Variants in TMEM248 observed in about 807,000 individuals in gnomAD.
TMEM248 encodes transmembrane protein 248.
TMEM248 carries 9 observed loss-of-function variants against 30.3 expected under a neutral mutation model. The observed-to-expected ratio is 0.30, with a 90% CI of 0.18 to 0.52. TMEM248 has a LOEUF of 0.52. TMEM248 is among the 20% of genes least tolerant of loss of function. The pLI, the probability that TMEM248 is intolerant of heterozygous loss-of-function variation, is 0.97. For synonymous variants in TMEM248, 184 were observed against 154.4 expected (o/e 1.19, Z -1.42); for missense variants, 338 against 403.3 (o/e 0.84, Z 1.39).
At position 66,955,710 on chromosome 7, in the gene TMEM248, A is replaced by G. The variant is rs998559585; in HGVS notation, c.*188A>G. 3.9e-5 allele frequency: 28 copies of G among 725,958 alleles called. No homozygotes were observed. Among genetic ancestry groups the G allele is most frequent in the South Asian group, 1.8e-4 (9 of 49,036 alleles). The allele number at this position is 725,958 out of a possible 1,614,324, so 45.0% of individuals were successfully genotyped here. ...AAAAATCTATTCAGAAATTGGTCCA[A>G]TAATGCACGTGCTTTGCCCTGGGTA... On this transcript the variant is annotated 3_prime_UTR_variant, in exon 7 of 7. Coordinates refer to ENST00000341567, the MANE Select transcript of TMEM248 (RefSeq NM_017994.5).
Position 66,953,216 on chromosome 7 carries a change from CTTTA to C in TMEM248, c.781-5_781-2del, listed in dbSNP as rs1562945850. On this transcript the variant is annotated splice_region_variant and splice_polypyrimidine_tract_variant and intron_variant, in intron 5 of 6. Coordinates refer to ENST00000341567, the MANE Select transcript of TMEM248 (RefSeq NM_017994.5). Reference sequence around the variant, plus strand: ...AGATGTTTCTGATTTTTTTTCTCTTCTTTATTTAGGATGACCGTTCATTAATAAA... The same window carrying C: ...AGATGTTTCTGATTTTTTTTCTCTTCTTTAGGATGACCGTTCATTAATAAA... 3 of 1,611,360 alleles carry C rather than the reference CTTTA, an allele frequency of 1.9e-6. No homozygotes were observed. Among genetic ancestry groups the C allele is most frequent in the Non-Finnish European group, 8.5e-7 (1 of 1,179,166 alleles).
intron 1 of TMEM248, among the ~76,000 whole-genome samples, chr7:66,936,751 C>T (rs184007689): frequency 2.6e-5 from 4 of 152,210 alleles, no homozygotes; most frequent in Non-Finnish European, 4.4e-5. Context: ...TGCAGTTGCT[C>T]GTGGTAGCCT....
At position 66,945,078 on chromosome 7, in the gene TMEM248, A is replaced by T; in HGVS notation, c.262A>T (p.Thr88Ser). The change falls in exon 3 of 7, where the codon ACA (threonine) becomes TCA (serine). Residue 88 changes from threonine (T) to serine (S), a missense_variant. Coordinates refer to ENST00000341567, the MANE Select transcript of TMEM248 (RefSeq NM_017994.5). The stretch of plus-strand genomic sequence containing the variant: ...AAACGACACCACAACTCCGGAAAGT[A>T]CAATGACCAGCGGGCAGGCCCGAGC... The part of the protein sequence containing the change: ...LTNDTTTPES[T>S]MTSGQARAST... 1 of 1,614,268 alleles carries T rather than the reference A, an allele frequency of 6.2e-7. No individual in the cohort carries two copies. The highest frequency in any genetic ancestry group is 8.5e-7 in the Non-Finnish European group (1 of 1,180,048).
intron 2 of TMEM248, among the ~76,000 whole-genome samples, chr7:66,942,598 C>T (rs978228678): frequency 1.2e-4 from 19 of 152,162 alleles, no homozygotes; most frequent in African/African-American, 3.1e-4. Flanking sequence ...CGGGCTCAAG[C>T]GATTCTCCTG....
At chr7:66,940,137 A>G (rs1791910337) in intron 1 of TMEM248, among the ~76,000 whole-genome samples, 1 of 152,144 alleles carries the variant, frequency 6.6e-6, no homozygotes, top group South Asian at 2.1e-4. Flanking sequence ...TATTTGTAGT[A>G]GAGGCGGGGT....
At position 66,945,292 on chromosome 7, in the gene TMEM248, C is replaced by CT. The variant is rs1792068577; in HGVS notation, c.445+33dup. 3.7e-6 allele frequency: 6 copies of CT among 1,601,206 alleles called. No homozygotes were observed. In the South Asian group the frequency reaches 5.5e-5, roughly 15 times the overall value. ...CAGTAGCCACTCTCCACTCAGGCTC[C>CT]TTAGGCAACCACTGTTACAAAAAGA... On this transcript the variant is annotated intron_variant, in intron 3 of 6. Transcript: ENST00000341567.
chr7:66,957,668 A>G lies in TMEM248; in HGVS notation c.*2146A>G, dbSNP rs1237432705. The G allele has an allele frequency of 1.3e-5, 2 of 152,230 alleles. No individual in the cohort carries two copies. The highest frequency in any genetic ancestry group is 2.9e-5 in the Non-Finnish European group (2 of 68,032). 9.4% of individuals were successfully genotyped at this position (152,230 alleles called of 1,614,324 possible). A position where few individuals can be genotyped will look rare whatever the true frequency, so the allele number is the denominator to read the frequency against. ...GATTTATAGCTGGCAGAGTGGTATC[A>G]AAGGAGAAAAACAGTGAAAAAGCCA... On this transcript the variant is annotated 3_prime_UTR_variant, in exon 7 of 7. Coordinates refer to ENST00000341567, the MANE Select transcript of TMEM248 (RefSeq NM_017994.5).
intron 3 of TMEM248, among the ~76,000 whole-genome samples, chr7:66,947,019 G>A (rs747287522): frequency 2.6e-5 from 4 of 152,104 alleles, no homozygotes; most frequent in Non-Finnish European, 5.9e-5. Context: ...TTGAAGCCCA[G>A]CCTGGGCACA....
At chr7:66,933,718 T>TAG in intron 1 of TMEM248, among the ~76,000 whole-genome samples, 1 of 152,358 alleles carries the variant, frequency 6.6e-6, no homozygotes, top group East Asian at 1.9e-4. Context: ...TTTAGCGTCT[T>TAG]CACTGAGTTA....
intron 1 of TMEM248, among the ~76,000 whole-genome samples, chr7:66,937,233 C>T (rs183093196): frequency 2.5e-3 from 383 of 152,190 alleles, no homozygotes; most frequent in Non-Finnish European, 3.5e-3. Flanking sequence ...TCCAGAATTC[C>T]TCTTGTAACT....
chr7:66,945,941 G>A (rs1365743241), intron 3 of TMEM248, among the ~76,000 whole-genome samples: 6 of 152,090 alleles, frequency 3.9e-5, no homozygotes, highest in African/African-American at 9.7e-5. Context: ...AAAATTAGCC[G>A]GGCGTGGTGG....
At chr7:66,947,231 A>C (rs1219986178) in intron 3 of TMEM248, among the ~76,000 whole-genome samples, 1 of 151,552 alleles carries the variant, frequency 6.6e-6, no homozygotes, top group Non-Finnish European at 1.5e-5. Context: ...AAAAAAAAAA[A>C]AAAACAAGAA....
In TMEM248 at chr7:66,957,089, T is replaced by C. The variant is rs566798388; in HGVS notation, c.*1567T>C. 1 of 152,758 alleles carries C rather than the reference T, an allele frequency of 6.5e-6. No homozygotes were observed. Among genetic ancestry groups the C allele is most frequent in the Non-Finnish European group, 1.5e-5 (1 of 68,028 alleles). 9.5% of individuals were successfully genotyped at this position (152,758 alleles called of 1,614,324 possible). A position where few individuals can be genotyped will look rare whatever the true frequency, so the allele number is the denominator to read the frequency against. Reference sequence around the variant, plus strand: ...CCAGTCCTTTCTTGTATTCTTACTGTTTTTTTAAAATAACTTTTTGCCTTA... The same window carrying C: ...CCAGTCCTTTCTTGTATTCTTACTGCTTTTTTAAAATAACTTTTTGCCTTA... On this transcript the variant is annotated 3_prime_UTR_variant, in exon 7 of 7. Coordinates refer to ENST00000341567, the MANE Select transcript of TMEM248 (RefSeq NM_017994.5).
At chr7:66,922,835 A>G (rs773181125) in intron 1 of TMEM248, among the ~76,000 whole-genome samples, 2 of 151,858 alleles carry the variant, frequency 1.3e-5, no homozygotes, top group Non-Finnish European at 2.9e-5. Flanking sequence ...CCTCCCTAGT[A>G]GCTGGGATTA....
intron 3 of TMEM248, among the ~76,000 whole-genome samples, chr7:66,947,214 C>CA (rs565294304): frequency 0.24 from 13,706 of 58,146 alleles, 1,353 homozygotes; most frequent in Non-Finnish European, 0.29. Flanking sequence ...GACCCTGTCT[C>CA]AAAAAAAAAA....
Position 66,929,575 on chromosome 7 carries a change from T to C in TMEM248, c.-19+8114T>C, listed in dbSNP as rs111466456. Reference sequence around the variant, plus strand: ...TCTCAGCTTCCTGAGTAGCTGGCATTATAGGCGTGCACCGCCATGCCCAGC... The same window carrying C: ...TCTCAGCTTCCTGAGTAGCTGGCATCATAGGCGTGCACCGCCATGCCCAGC... On this transcript the variant is annotated intron_variant, in intron 1 of 6. Transcript: ENST00000341567. Among the ~76,000 whole-genome samples the C allele has an allele frequency of 1.3e-3, 192 of 152,040 alleles. 1 individual carries two copies. The highest frequency in any genetic ancestry group is 4.5e-3 in the African/African-American group (185 of 41,500).
At chr7:66,937,792 C>A (rs963006001) in intron 1 of TMEM248, among the ~76,000 whole-genome samples, 14 of 152,150 alleles carry the variant, frequency 9.2e-5, no homozygotes, top group African/African-American at 2.7e-4. Flanking sequence ...CTCACCACAA[C>A]CTCTGCCTCC....
intron 1 of TMEM248, among the ~76,000 whole-genome samples, chr7:66,941,619 G>GA (rs1791960805): frequency 6.6e-6 from 1 of 151,166 alleles, no homozygotes; most frequent in Non-Finnish European, 1.5e-5. Context: ...GATTCAAACT[G>GA]AAAGAGAATA....
intron 1 of TMEM248, among the ~76,000 whole-genome samples, chr7:66,928,623 C>T (rs1320519035): frequency 6.6e-6 from 1 of 152,162 alleles, no homozygotes; most frequent in Non-Finnish European, 1.5e-5. Context: ...TAAGAATGCT[C>T]TCTTCTCACT....
Sources: gnomAD v4.1 joint callset for allele counts (sites outside exome capture counted in the v4.1 genomes callset) on GRCh38, gnomAD v4.1.1 for gene constraint, MANE v1.5 for transcripts, NCBI Gene and HGNC (gene_info 2026-07-23, HGNC 2026-07-21) for gene names.